ZNF605: variants seen among roughly 807,000 people sequenced by gnomAD.
The protein encoded by ZNF605 is zinc finger protein 605.
Under a neutral mutation model 7.9 loss-of-function variants are expected in ZNF605, and 9 were observed. The observed-to-expected ratio is 1.14, with a 90% confidence interval of 0.68 to 1.98. ZNF605 has a LOEUF of 1.98. ZNF605 is among the 30% of genes most tolerant of loss of function. The pLI is 0.00. For synonymous variants in ZNF605, 255 were observed against 260.1 expected (o/e 0.98, Z 0.19); for missense variants, 673 against 762.4 (o/e 0.88, Z 1.38).
chr12:132,921,030 T>G lies in ZNF605; in HGVS notation c.*4343A>C, dbSNP rs1468276869. On this transcript the variant is annotated 3_prime_UTR_variant, in exon 5 of 5. Coordinates refer to ENST00000360187, the MANE Select transcript of ZNF605 (RefSeq NM_183238.4). ...TTAGTAGAGACGGGGTTTCACCATGTTATTCAGGCTGGTCGCGAACTCCTG... is the reference window on the plus strand; with the variant it reads ...TTAGTAGAGACGGGGTTTCACCATGGTATTCAGGCTGGTCGCGAACTCCTG... 1 of 152,218 alleles carries G rather than the reference T, an allele frequency of 6.6e-6. No homozygotes were observed. Among genetic ancestry groups the G allele is most frequent in the Non-Finnish European group, 1.5e-5 (1 of 68,052 alleles). The allele number at this position is 152,218 out of a possible 1,614,324, so 9.4% of individuals were successfully genotyped here.
Position 132,927,169 on chromosome 12 carries a change from A to T in ZNF605, c.137-7T>A. The T allele has an allele frequency of 6.5e-7, 1 of 1,534,990 alleles. No homozygotes were observed. Among genetic ancestry groups the T allele is most frequent in the Non-Finnish European group, 8.7e-7 (1 of 1,151,912 alleles). ...GGATTATCTAGCCAGACTTCTAAAAAGAGAAAAAAATGAACCATACTGTGT... is the reference window on the plus strand; with the variant it reads ...GGATTATCTAGCCAGACTTCTAAAATGAGAAAAAAATGAACCATACTGTGT... On this transcript the variant is annotated splice_polypyrimidine_tract_variant and splice_region_variant and intron_variant, in intron 4 of 4. Transcript: ENST00000360187.
chr12:132,940,532 C>G (rs1952425621), intron 3 of ZNF605, among the ~76,000 whole-genome samples: 1 of 151,406 alleles, frequency 6.6e-6, no homozygotes, highest in African/African-American at 2.4e-5. Context: ...ATTGTTGATG[C>G]TGATGTCCCA....
chr12:132,952,228 GGTA>G (rs1162221971), intron 1 of ZNF605, among the ~76,000 whole-genome samples: 8 of 151,972 alleles, frequency 5.3e-5, no homozygotes, highest in Non-Finnish European at 7.4e-5. Flanking sequence ...AGGCTGAGGC[GGTA>G]GGCAGATCAC....
intron 1 of ZNF605, among the ~76,000 whole-genome samples, chr12:132,949,096 G>GGAAA (rs1952529219): frequency 2.2e-5 from 1 of 45,454 alleles, no homozygotes; most frequent in Non-Finnish European, 6.1e-5. Flanking sequence ...AGCCACAAGA[G>GGAAA]GCCTCTGAGG....
At chr12:132,956,049 C>T (rs1952633993) in intron 1 of ZNF605, among the ~76,000 whole-genome samples, 194 bp downstream of exon 1, 1 of 150,900 alleles carries the variant, frequency 6.6e-6, no homozygotes, top group African/African-American at 2.4e-5. Context: ...GAGCCCCCGC[C>T]TGAGGCCCGC....
At position 132,924,282 on chromosome 12, in the gene ZNF605, A is replaced by G. The variant is rs1397990541; in HGVS notation, c.*1091T>C. 1 of 152,186 alleles carries G rather than the reference A, an allele frequency of 6.6e-6. No homozygotes were observed. The highest frequency in any genetic ancestry group is 2.4e-5 in the African/African-American group (1 of 41,438). The allele number at this position is 152,186 out of a possible 1,614,324, so 9.4% of individuals were successfully genotyped here. ...TAATTAGCTGCACTACTAAAACAAA[A>G]CCTTTCTGAGAATTCTACCTGATGC... is the stretch of plus-strand genomic sequence containing the variant. On this transcript the variant is annotated 3_prime_UTR_variant, in exon 5 of 5. Coordinates refer to ENST00000360187, the MANE Select transcript of ZNF605 (RefSeq NM_183238.4).
chr12:132,942,641 G>T (rs1952455172), intron 3 of ZNF605, among the ~76,000 whole-genome samples: 1 of 152,192 alleles, frequency 6.6e-6, no homozygotes, highest in Non-Finnish European at 1.5e-5. Flanking sequence ...CTGACCTTGT[G>T]AATTCGTTGT....
In ZNF605 at chr12:132,920,113, C is replaced by G. The variant is rs892885111; in HGVS notation, c.*5260G>C. On this transcript the variant is annotated 3_prime_UTR_variant, in exon 5 of 5. Transcript: ENST00000360187. ...TTAGCCTCCCAAAGTGTTATGATTA[C>G]AGGTGTGAGCCACCGCGCCCAGCGC... is the stretch of plus-strand genomic sequence containing the variant. 1 of 152,028 alleles carries G rather than the reference C, an allele frequency of 6.6e-6. No individual in the cohort carries two copies. The highest frequency in any genetic ancestry group is 1.9e-4 in the East Asian group (1 of 5,162). 9.4% of individuals were successfully genotyped at this position (152,028 alleles called of 1,614,324 possible). A position where few individuals can be genotyped will look rare whatever the true frequency, so the allele number is the denominator to read the frequency against.
At chr12:132,944,290 C>T (rs1001213753) in intron 3 of ZNF605, among the ~76,000 whole-genome samples, 60 of 151,274 alleles carry the variant, frequency 4.0e-4, no homozygotes, top group African/African-American at 9.7e-4. Context: ...CCACTCCTGG[C>T]GTAGGACTGA....
chr12:132,939,228 G>A (rs1355626902), intron 3 of ZNF605, among the ~76,000 whole-genome samples: 3 of 152,144 alleles, frequency 2.0e-5, no homozygotes, highest in Non-Finnish European at 4.4e-5. Flanking sequence ...GAGTCTGGTG[G>A]GGACGTGGAG....
chr12:132,919,379 CTTTT>C lies in ZNF605; in HGVS notation c.*5990_*5993del, dbSNP rs1175837282. The C allele has an allele frequency of 7.4e-5, 7 of 94,048 alleles. No homozygotes were observed. The highest frequency in any genetic ancestry group is 1.2e-4 in the Admixed American group (1 of 8,184). The allele number at this position is 94,048 out of a possible 1,614,324, so 5.8% of individuals were successfully genotyped here. On this transcript the variant is annotated 3_prime_UTR_variant, in exon 5 of 5. Transcript: ENST00000360187. ...AGCCACCACATCTGGCCAGTAATGC[CTTTT>C]TTTTTTTTTTTTTTTTTTTTGAGAT...
intron 1 of ZNF605, among the ~76,000 whole-genome samples, chr12:132,952,178 C>T (rs894933855): frequency 1.3e-5 from 2 of 151,890 alleles, no homozygotes; most frequent in African/African-American, 2.4e-5. Context: ...AACTGTGGGC[C>T]AGGCGCGGTG....
rs3847666 is a variant in ZNF605 at position 132,941,077 on chromosome 12, T to G, written c.15+4544A>C. ...AGCATTTTGTTACCCATACGGGTGCTCACCAAAAAGACTCCAGTGCTGACC... is the reference window on the plus strand; with the variant it reads ...AGCATTTTGTTACCCATACGGGTGCGCACCAAAAAGACTCCAGTGCTGACC... On this transcript the variant is annotated intron_variant, in intron 3 of 4. Transcript: ENST00000360187. This position sits in a 1 kb window ranked among gnomAD's most constrained non-coding sequence, Gnocchi z 5.1. Among the ~76,000 whole-genome samples the G allele has an allele frequency of 0.25, 38,319 of 151,926 alleles. 5,161 individuals carry two copies. Among genetic ancestry groups the G allele is most frequent in the African/African-American group, 0.35 (14,529 of 41,416 alleles).
rs943195991 is a variant in ZNF605, at chr12:132,924,221, G to C, written c.*1152C>G. On this transcript the variant is annotated 3_prime_UTR_variant, in exon 5 of 5. Transcript: ENST00000360187. The stretch of plus-strand genomic sequence containing the variant: ...AACACATTAGTTTTTTTGGATGCCG[G>C]ACACTGTAGGTCCAGAGTAGCTTTT... 1 of 152,088 alleles carries C rather than the reference G, an allele frequency of 6.6e-6. No individual in the cohort carries two copies. Among genetic ancestry groups the C allele is most frequent in the Non-Finnish European group, 1.5e-5 (1 of 68,022 alleles). 9.4% of individuals were successfully genotyped at this position (152,088 alleles called of 1,614,324 possible).
intron 3 of ZNF605, among the ~76,000 whole-genome samples, chr12:132,939,856 G>A (rs1051989493): frequency 3.5e-5 from 5 of 144,598 alleles, no homozygotes; most frequent in Non-Finnish European, 5.9e-5. Flanking sequence ...GAGCCAGCGA[G>A]ACCACGAGCC....
chr12:132,937,712 GA>G (rs1347681870), intron 3 of ZNF605, among the ~76,000 whole-genome samples: 1 of 152,212 alleles, frequency 6.6e-6, no homozygotes, highest in Non-Finnish European at 1.5e-5. Flanking sequence ...GTAGTGAACT[GA>G]AAACTTACAT....
At chr12:132,943,400 G>C (rs975230612) in intron 3 of ZNF605, among the ~76,000 whole-genome samples, 11 of 151,854 alleles carry the variant, frequency 7.2e-5, no homozygotes, top group Non-Finnish European at 1.6e-4. Context: ...GCATGTTCAG[G>C]TGTAAGCACA....
In ZNF605 at chr12:132,941,677, C is replaced by A. The variant is rs1399103174; in HGVS notation, c.15+3944G>T. ...CGCAGCCTGGACTACGCAGCTCAGG[C>A]AAGCGACCTCAGGCCTCACGCAGCC... On this transcript the variant is annotated intron_variant, in intron 3 of 4. Coordinates refer to ENST00000360187, the MANE Select transcript of ZNF605 (RefSeq NM_183238.4). The surrounding 1 kb of genome is among the most constrained non-coding windows in gnomAD (Gnocchi z 5.1). Among the ~76,000 whole-genome samples the A allele has an allele frequency of 6.6e-6, 1 of 152,252 alleles. No individual in the cohort carries two copies. Among genetic ancestry groups the A allele is most frequent in the Non-Finnish European group, 1.5e-5 (1 of 68,046 alleles).
At chr12:132,955,614 C>A (rs998482565) in intron 1 of ZNF605, among the ~76,000 whole-genome samples, 234 of 152,160 alleles carry the variant, frequency 1.5e-3, no homozygotes, top group African/African-American at 5.5e-3. Context: ...CGCTGTTTTC[C>A]AGGAGCACAG....
Sources: gnomAD v4.1 joint callset for allele counts (sites outside exome capture counted in the v4.1 genomes callset) on GRCh38, gnomAD v4.1.1 for gene constraint, Gnocchi (gnomAD v3.1) non-coding constraint, MANE v1.5 for transcripts, NCBI Gene and HGNC (gene_info 2026-07-23, HGNC 2026-07-21) for gene names.